Variants in SYT16 observed in about 807,000 individuals in gnomAD.
SYT16 encodes synaptotagmin-16.
SYT16 carries 42 observed loss-of-function variants against 61.4 expected under a neutral mutation model. That is an observed-to-expected ratio of 0.68 (90% CI 0.53 to 0.89). SYT16 has a LOEUF of 0.89. SYT16 is among the 40% of genes least tolerant of loss of function. SYT16 has a pLI of 0.00. For synonymous variants in SYT16, 314 were observed against 302.3 expected (o/e 1.04, Z -0.40); for missense variants, 804 against 807.3 (o/e 1.00, Z 0.05).
At chr14:62,086,395 G>T (rs770453649) in intron 7 of SYT16, among the ~76,000 whole-genome samples, 2 of 152,118 alleles carry the variant, frequency 1.3e-5, no homozygotes, top group Non-Finnish European at 2.9e-5. Context: ...CCAGAGAATC[G>T]CTTGAACCGA....
chr14:61,881,191 C>A (rs193061981), intron 1 of SYT16, among the ~76,000 whole-genome samples: 4 of 152,198 alleles, frequency 2.6e-5, no homozygotes, highest in Admixed American at 2.0e-4. Context: ...TCCCTTTCTG[C>A]TGGAATATTT....
chr14:61,894,269 G>C, intron 1 of SYT16, among the ~76,000 whole-genome samples: 1 of 148,314 alleles, frequency 6.7e-6, no homozygotes, highest in East Asian at 2.0e-4. Flanking sequence ...TGGGCAACAA[G>C]AACGAAACTC....
chr14:62,051,630 C>CT (rs2140890515), intron 3 of SYT16, among the ~76,000 whole-genome samples: 1 of 152,220 alleles, frequency 6.6e-6, no homozygotes, highest in Non-Finnish European at 1.5e-5. Context: ...CTGTATTTTT[C>CT]TTTTTAAAAT....
intron 1 of SYT16, among the ~76,000 whole-genome samples, chr14:61,876,811 C>T (rs1204105616): frequency 6.6e-6 from 1 of 152,138 alleles, no homozygotes; most frequent in Non-Finnish European, 1.5e-5. Context: ...AGGGGCTGAG[C>T]CGTAAAGGAA....
intron 3 of SYT16, among the ~76,000 whole-genome samples, chr14:62,018,541 A>G (rs1034665709): frequency 1.4e-4 from 22 of 151,844 alleles, no homozygotes; most frequent in African/African-American, 5.1e-4. Context: ...TCCTGACCTC[A>G]GGTGATCCGC....
At chr14:61,893,793 C>T (rs988811196) in intron 1 of SYT16, among the ~76,000 whole-genome samples, 5 of 152,210 alleles carry the variant, frequency 3.3e-5, no homozygotes, top group Non-Finnish European at 5.9e-5. Context: ...GAGGCTCAGG[C>T]AACTTGATTG....
intron 7 of SYT16, among the ~76,000 whole-genome samples, chr14:62,097,271 C>CTGAATGG (rs2057301500): frequency 6.6e-6 from 1 of 151,986 alleles, no homozygotes; most frequent in Non-Finnish European, 1.5e-5. Flanking sequence ...GGATTATGAC[C>CTGAATGG]CATTCAGTGT....
intron 1 of SYT16, among the ~76,000 whole-genome samples, chr14:61,874,064 A>G (rs767200079): frequency 3.3e-5 from 5 of 152,196 alleles, no homozygotes; most frequent in East Asian, 1.9e-4. Context: ...GTGATGACCA[A>G]TTTTGGAGGT....
chr14:62,040,705 C>A (rs1204334559), intron 3 of SYT16, among the ~76,000 whole-genome samples: 1 of 152,130 alleles, frequency 6.6e-6, no homozygotes, highest in Non-Finnish European at 1.5e-5. Context: ...GTACATGAAA[C>A]ATCTCTTTTT....
At chr14:62,017,174 T>C (rs781178028) in intron 3 of SYT16, among the ~76,000 whole-genome samples, 6 of 152,240 alleles carry the variant, frequency 3.9e-5, no homozygotes, top group Non-Finnish European at 5.9e-5. Context: ...ACTGGTTTTA[T>C]TAATAATTCT....
chr14:61,863,463 T>C (rs536925282), intron 1 of SYT16, among the ~76,000 whole-genome samples: 2 of 152,386 alleles, frequency 1.3e-5, no homozygotes, highest in South Asian at 4.1e-4. Context: ...TCAGGTTGTT[T>C]GTGTTCTTAC....
chr14:62,037,262 TTTTC>T (rs1222733208), intron 3 of SYT16, among the ~76,000 whole-genome samples: 1 of 152,114 alleles, frequency 6.6e-6, no homozygotes, highest in African/African-American at 2.4e-5. Flanking sequence ...TTTTTTAGTG[TTTTC>T]TTTGTGTTTA....
At chr14:62,072,470 C>T (rs2056336507) in intron 4 of SYT16, among the ~76,000 whole-genome samples, 1 of 152,048 alleles carries the variant, frequency 6.6e-6, no homozygotes, top group Admixed American at 6.6e-5. Flanking sequence ...ATACACAGCC[C>T]CCATATTTGC....
intron 1 of SYT16, among the ~76,000 whole-genome samples, chr14:61,862,874 A>C (rs1190353915): frequency 6.6e-6 from 1 of 152,226 alleles, no homozygotes; most frequent in African/African-American, 2.4e-5. Flanking sequence ...CATACAGGAT[A>C]TAACCTTTTC....
At chr14:61,814,882 C>T (rs981642744) in intron 1 of SYT16, among the ~76,000 whole-genome samples, 2 of 152,118 alleles carry the variant, frequency 1.3e-5, no homozygotes, top group Non-Finnish European at 1.5e-5. Context: ...TGTTTGCAGC[C>T]CGAAGTCCTA....
intron 3 of SYT16, among the ~76,000 whole-genome samples, chr14:62,048,364 T>C (rs1420770716): frequency 6.6e-6 from 1 of 152,248 alleles, no homozygotes; most frequent in Non-Finnish European, 1.5e-5. Flanking sequence ...GATTCTTCTC[T>C]CTTTTTTTCT....
intron 5 of SYT16, among the ~76,000 whole-genome samples, chr14:62,078,155 C>CTCTCTCTA (rs766089633): frequency 1.7e-3 from 236 of 135,990 alleles, no homozygotes; most frequent in Middle Eastern, 0.011. Context: ...CTCTCTCTCT[C>CTCTCTCTA]TATATATATA....
chr14:61,861,856 G>C (rs1231307466), intron 1 of SYT16, among the ~76,000 whole-genome samples: 2 of 152,126 alleles, frequency 1.3e-5, no homozygotes, highest in Non-Finnish European at 2.9e-5. Context: ...CCATGCTATA[G>C]TTTATTAAGT....
At chr14:61,905,620 A>G (rs217658) in intron 1 of SYT16, among the ~76,000 whole-genome samples, 140,740 of 152,192 alleles carry the variant, frequency 0.92, 65,238 homozygotes, top group East Asian at 0.98. Flanking sequence ...TACACCTGCT[A>G]GCTGACTGTC....
Sources: allele counts gnomAD v4.1 joint callset (sites outside exome capture counted in the v4.1 genomes callset), GRCh38; gene constraint gnomAD v4.1.1; transcripts MANE v1.5; gene names NCBI Gene and HGNC (gene_info 2026-07-23, HGNC 2026-07-21).